PHF11: variants seen among roughly 807,000 people sequenced by gnomAD.
The protein encoded by PHF11 is PHD finger protein 11.
In PHF11, 38 loss-of-function variants were observed where a neutral mutation model predicts 40.5. That is an observed-to-expected ratio of 0.94 (90% CI 0.72 to 1.23). PHF11 has a LOEUF of 1.23. PHF11 is among the 50% of genes most tolerant of loss of function. The pLI is 0.00. For missense variants in PHF11, 369 were observed against 392.4 expected (o/e 0.94, Z 0.50); for synonymous variants, 127 against 138.2 (o/e 0.92, Z 0.57).
chr13:49,519,954 T>C (rs17381926), intron 4 of PHF11, among the ~76,000 whole-genome samples: 5,677 of 152,206 alleles, frequency 0.037, 191 homozygotes, highest in East Asian at 0.17. Context: ...GTCAGCGCCA[T>C]CTGAAGAGGA....
chr13:49,515,458 ACACACACACACACACAC>A, intron 3 of PHF11, among the ~76,000 whole-genome samples: 1 of 14,000 alleles, frequency 7.1e-5, no homozygotes, highest in Non-Finnish European at 1.1e-4. Context: ...TCTCCTATAC[ACACACACACACACACAC>A]ACACACACAC....
At chr13:49,506,381 C>A (rs1958989530) in intron 1 of PHF11, among the ~76,000 whole-genome samples, 1 of 152,126 alleles carries the variant, frequency 6.6e-6, no homozygotes, top group East Asian at 1.9e-4. Context: ...CTTGTCTCTA[C>A]ATTTTAAAAA....
chr13:49,518,209 G>A, intron 4 of PHF11, 58 bp downstream of exon 4: 1 of 1,270,400 alleles, frequency 7.9e-7, no homozygotes, highest in South Asian at 1.5e-5. Flanking sequence ...GGAATGGTTG[G>A]ATTAAGACAA....
At chr13:49,526,239 T>C (rs902030968) in intron 8 of PHF11, 148 bp from the exon 9 acceptor site, 1 of 584,184 alleles carries the variant, frequency 1.7e-6, no homozygotes, top group Admixed American at 2.9e-5. Context: ...TTCCCTGTAG[T>C]GCTGCTGCTG....
intron 2 of PHF11, among the ~76,000 whole-genome samples, chr13:49,511,450 G>A (rs1374646225): frequency 1.3e-5 from 2 of 149,590 alleles, no homozygotes; most frequent in African/African-American, 2.5e-5. Context: ...CCTCAGCCTC[G>A]CGAGTAGCTG....
chr13:49,516,246 T>G (rs1473805743), intron 3 of PHF11, among the ~76,000 whole-genome samples: 1 of 152,092 alleles, frequency 6.6e-6, no homozygotes, highest in East Asian at 1.9e-4. Context: ...TATTTGATCA[T>G]TGTACCTTGT....
intron 1 of PHF11, among the ~76,000 whole-genome samples, chr13:49,505,146 GAA>G (rs59506067): frequency 3.3e-4 from 40 of 120,814 alleles, no homozygotes; most frequent in African/African-American, 1.1e-3. Flanking sequence ...AAATAAAAAT[GAA>G]AAAAAAAAAA....
intron 4 of PHF11, 32 bp downstream of exon 4, chr13:49,518,183 T>A (rs769830881): frequency 1.4e-6 from 2 of 1,471,098 alleles, no homozygotes; most frequent in South Asian, 2.5e-5. Flanking sequence ...AAACCACATT[T>A]GGGGGATTGG....
intron 1 of PHF11, among the ~76,000 whole-genome samples, chr13:49,503,180 G>A (rs986281036): frequency 6.6e-5 from 10 of 152,020 alleles, no homozygotes; most frequent in Admixed American, 3.9e-4. Context: ...TCCGATCTCT[G>A]GGCCTTTTCC....
At chr13:49,526,168 CAAAAA>C (rs10573458) in intron 8 of PHF11, 6,929 of 332,980 alleles carry the variant, frequency 0.021, no homozygotes, top group East Asian at 0.03. Context: ...GATTCTGTCT[CAAAAA>C]AAAAAAAAAA....
intron 2 of PHF11, among the ~76,000 whole-genome samples, chr13:49,511,792 T>G (rs1379101227): frequency 6.6e-6 from 1 of 152,248 alleles, no homozygotes; most frequent in Non-Finnish European, 1.5e-5. Context: ...TCCAGCAACC[T>G]TACCAAACTC....
intron 5 of PHF11, 136 bp downstream of exon 5, chr13:49,521,076 T>C (rs1051241357): frequency 8.2e-5 from 114 of 1,391,268 alleles, no homozygotes; most frequent in African/African-American, 1.9e-4. Flanking sequence ...ATCTAGAAAA[T>C]TGACAACTTC....
At chr13:49,497,193 C>T (rs930423902) in intron 1 of PHF11, 8 of 1,289,278 alleles carry the variant, frequency 6.2e-6, no homozygotes, top group Non-Finnish European at 8.1e-6. Flanking sequence ...ATATTTCATT[C>T]ATTGGTATAC....
chr13:49,524,081 T>A lies in PHF11; in HGVS notation c.638-4T>A, dbSNP rs762932544. 1.2e-6 allele frequency: 2 copies of A among 1,603,854 alleles called. No homozygotes were observed. The highest frequency in any genetic ancestry group is 2.2e-5 in the South Asian group (2 of 89,830). On this transcript the variant is annotated splice_polypyrimidine_tract_variant and splice_region_variant and intron_variant, in intron 7 of 9. Transcript: ENST00000378319. ...TCCTTCTCAAATGTTTGTCTTATTC[T>A]TAGATGCAACTGTGAAAGTTCCTTT...
chr13:49,522,121 GT>G lies in PHF11; in HGVS notation c.570+19del. 2 of 1,413,786 alleles carry G rather than the reference GT, an allele frequency of 1.4e-6. No homozygotes were observed. The highest frequency in any genetic ancestry group is 2.0e-6 in the Non-Finnish European group (2 of 1,003,202). 87.6% of individuals were successfully genotyped at this position (1,413,786 alleles called of 1,614,324 possible). ...AATCATGTACAGGTAATTTGACTTA[GT>G]TTTTATAGCTTTGCATTTCTTCATA... is the stretch of plus-strand genomic sequence containing the variant. On this transcript the variant is annotated intron_variant, in intron 6 of 9. Transcript: ENST00000378319.
intron 3 of PHF11, among the ~76,000 whole-genome samples, chr13:49,514,630 T>A (rs917215593): frequency 2.0e-4 from 31 of 151,966 alleles, no homozygotes; most frequent in African/African-American, 7.5e-4. Flanking sequence ...CAGTGGCATA[T>A]ACCTGTAGTC....
Position 49,528,619 on chromosome 13 carries a change from G to A in PHF11, c.950G>A (p.Arg317Lys). 1 of 1,610,864 alleles carries A rather than the reference G, an allele frequency of 6.2e-7. No homozygotes were observed. Among genetic ancestry groups the A allele is most frequent in the Non-Finnish European group, 8.5e-7 (1 of 1,177,564 alleles). Reference protein sequence around the residue: ...KQTLCSFQENRDLMSSSTSIS... With the variant: ...KQTLCSFQENKDLMSSSTSIS... ...ACCTTGTGCTCTTTTCAAGAAAATAGAGATCTTATGTCAAGTTCTACATCA... is the reference window on the plus strand; with the variant it reads ...ACCTTGTGCTCTTTTCAAGAAAATAAAGATCTTATGTCAAGTTCTACATCA... Residue 317 changes from arginine (R) to lysine (K), a missense_variant, in exon 10 of 10, where the codon AGA (arginine) becomes AAA (lysine). Arg to Lys is a conservative substitution (Grantham distance 26). Coordinates refer to ENST00000378319, the MANE Select transcript of PHF11 (RefSeq NM_001040443.3).
chr13:49,520,814 T>C, intron 4 of PHF11, 80 bp from the exon 5 acceptor site: 1 of 1,042,668 alleles, frequency 9.6e-7, no homozygotes. Context: ...GTTGGTACGT[T>C]TTTAATCACA....
chr13:49,498,453 G>A (rs540290836), intron 1 of PHF11, among the ~76,000 whole-genome samples: 6 of 130,246 alleles, frequency 4.6e-5, no homozygotes, highest in Non-Finnish European at 7.7e-5. Flanking sequence ...TACATTTCCA[G>A]TAGATCATTC....
Sources: allele counts gnomAD v4.1 joint callset (sites outside exome capture counted in the v4.1 genomes callset), GRCh38; gene constraint gnomAD v4.1.1; transcripts MANE v1.5; gene names NCBI Gene and HGNC (gene_info 2026-07-23, HGNC 2026-07-21).